Variants in RAMP3 observed in about 807,000 individuals in gnomAD.
The protein encoded by RAMP3 is receptor activity-modifying protein 3.
Under a neutral mutation model 13.5 loss-of-function variants are expected in RAMP3, and 14 were observed. The observed-to-expected ratio is 1.04, with a 90% CI of 0.69 to 1.63. The LOEUF is 1.63. Among genes scored for constraint, RAMP3 ranks in the 40% most tolerant of loss-of-function variants. The pLI is 0.00. For missense variants in RAMP3, 200 were observed against 204.8 expected, an observed-to-expected ratio of 0.98 and a Z score of 0.14; for synonymous variants, 106 against 88.3, an observed-to-expected ratio of 1.20 and a Z score of -1.12.
chr7:45,166,958 C>T (rs368242614), intron 1 of RAMP3, among the ~76,000 whole-genome samples: 38 of 101,196 alleles, frequency 3.8e-4, no homozygotes, highest in African/African-American at 6.3e-4. Flanking sequence ...GTCTTTGATG[C>T]TTTTTTTTTT....
Position 45,183,570 on chromosome 7 carries a change from G to C in RAMP3, c.*158G>C. On this transcript the variant is annotated 3_prime_UTR_variant, in exon 3 of 3. Coordinates refer to ENST00000242249, the MANE Select transcript of RAMP3 (RefSeq NM_005856.3). Reference sequence around the variant, plus strand: ...CCTTCCTGGGCTGACCTGCTCCCTCGAGGCCAGCCTGCTCCCTGGCTGAGG... The same window carrying C: ...CCTTCCTGGGCTGACCTGCTCCCTCCAGGCCAGCCTGCTCCCTGGCTGAGG... 1.9e-6 allele frequency: 2 copies of C among 1,056,638 alleles called. No homozygotes were observed. The highest frequency in any genetic ancestry group is 2.7e-6 in the Non-Finnish European group (2 of 731,190). 65.5% of individuals were successfully genotyped at this position (1,056,638 alleles called of 1,614,324 possible). A position where few individuals can be genotyped will look rare whatever the true frequency, so the allele number is the denominator to read the frequency against.
chr7:45,175,911 C>T (rs1442203805), intron 1 of RAMP3, among the ~76,000 whole-genome samples: 2 of 152,126 alleles, frequency 1.3e-5, no homozygotes, highest in East Asian at 3.8e-4. Context: ...GGAGCAGGTC[C>T]CTGCACCAGA....
intron 1 of RAMP3, among the ~76,000 whole-genome samples, chr7:45,158,993 T>A (rs1785815107): frequency 1.3e-5 from 2 of 152,174 alleles, no homozygotes; most frequent in Non-Finnish European, 2.9e-5. Context: ...TAGGTGGAGA[T>A]CTTGGTCGCT....
intron 2 of RAMP3, among the ~76,000 whole-genome samples, chr7:45,181,107 A>C (rs1390204019): frequency 6.6e-6 from 1 of 152,180 alleles, no homozygotes; most frequent in Non-Finnish European, 1.5e-5. Flanking sequence ...GGTTCTCTCA[A>C]CCACCTGATA....
rs1485767085 is a variant in RAMP3 at position 45,177,397 on chromosome 7, C to T, written c.147C>T (p.Gly49=). 6.2e-7 allele frequency: 1 copy of T among 1,614,140 alleles called. No individual in the cohort carries two copies. ...LCGKAFADMM[G]KVDVWKWCNL... is the part of the protein sequence containing the mutation. ...GGAAGGCTTTCGCAGACATGATGGGCAAGGTGGACGTCTGGAAGTGGTGCA... is the reference window on the plus strand; with the variant it reads ...GGAAGGCTTTCGCAGACATGATGGGTAAGGTGGACGTCTGGAAGTGGTGCA... The change falls in exon 2 of 3, where the codon GGC becomes GGT. Residue 49 remains glycine, a synonymous_variant. Coordinates refer to ENST00000242249, the MANE Select transcript of RAMP3 (RefSeq NM_005856.3).
chr7:45,166,958 CTTTT>C (rs202162694), intron 1 of RAMP3, among the ~76,000 whole-genome samples: 1 of 101,262 alleles, frequency 9.9e-6, no homozygotes, highest in African/African-American at 4.5e-5. Context: ...GTCTTTGATG[CTTTT>C]TTTTTTTTTT....
intron 1 of RAMP3, among the ~76,000 whole-genome samples, chr7:45,161,382 A>G (rs1351994106): frequency 6.6e-6 from 1 of 152,114 alleles, no homozygotes; most frequent in African/African-American, 2.4e-5. Flanking sequence ...AGGGAGAATA[A>G]TAGTTGCCTG....
rs112763264 is a variant in RAMP3, at chr7:45,183,446, C to A, written c.*34C>A. On this transcript the variant is annotated 3_prime_UTR_variant, in exon 3 of 3. Coordinates refer to ENST00000242249, the MANE Select transcript of RAMP3 (RefSeq NM_005856.3). ...GTGAGATGGAGTGGGTCACACCTGG[C>A]AAGCTGGAAGAAAGTTCCCTGGGGA... 3.0e-4 allele frequency: 476 copies of A among 1,601,822 alleles called. 1 individual carries two copies. In the African/African-American group the frequency reaches 5.7e-3, roughly 19 times the overall value.
At chr7:45,159,977 T>A (rs1562950927) in intron 1 of RAMP3, among the ~76,000 whole-genome samples, 1 of 152,220 alleles carries the variant, frequency 6.6e-6, no homozygotes, top group Non-Finnish European at 1.5e-5. Context: ...ATATTGATTC[T>A]ACTGAATCAA....
At chr7:45,179,699 A>G (rs769254082) in intron 2 of RAMP3, among the ~76,000 whole-genome samples, 2 of 152,178 alleles carry the variant, frequency 1.3e-5, no homozygotes, top group African/African-American at 2.4e-5. Context: ...GATAGTAGGA[A>G]TTCTAGAAAG....
intron 1 of RAMP3, among the ~76,000 whole-genome samples, chr7:45,158,538 C>G (rs1021957765): frequency 6.6e-6 from 1 of 152,150 alleles, no homozygotes; most frequent in African/African-American, 2.4e-5. Flanking sequence ...TTTGAAGTAC[C>G]TTGCTAAAGA....
At chr7:45,159,705 T>C (rs571323563) in intron 1 of RAMP3, among the ~76,000 whole-genome samples, 61 of 152,354 alleles carry the variant, frequency 4.0e-4, no homozygotes, top group Non-Finnish European at 6.2e-4. Flanking sequence ...AAAGGGCTGC[T>C]GAGACCGTCA....
In RAMP3 at chr7:45,183,538, A is replaced by C. The variant is rs1584081274; in HGVS notation, c.*126A>C. ...CCACACCCCACCTGGTCATGGGCAGACCCCTCCCTTCCTGGGCTGACCTGC... is the reference window on the plus strand; with the variant it reads ...CCACACCCCACCTGGTCATGGGCAGCCCCCTCCCTTCCTGGGCTGACCTGC... On this transcript the variant is annotated 3_prime_UTR_variant, in exon 3 of 3. Transcript: ENST00000242249. 7.2e-7 allele frequency: 1 copy of C among 1,394,098 alleles called. No individual in the cohort carries two copies. The highest frequency in any genetic ancestry group is 9.8e-7 in the Non-Finnish European group (1 of 1,017,338). 86.4% of individuals were successfully genotyped at this position (1,394,098 alleles called of 1,614,324 possible).
At chr7:45,175,704 G>T (rs984929500) in intron 1 of RAMP3, among the ~76,000 whole-genome samples, 3 of 152,264 alleles carry the variant, frequency 2.0e-5, no homozygotes, top group South Asian at 4.2e-4. Context: ...TCTGCTGCAG[G>T]TGGGGGTGGG....
rs770078819 is a variant in RAMP3, at chr7:45,183,343, C to T, written c.378C>T (p.Pro126=). The change falls in exon 3 of 3, where the codon CCC becomes CCT. Residue 126 remains proline, a synonymous_variant. Coordinates refer to ENST00000242249, the MANE Select transcript of RAMP3 (RefSeq NM_005856.3). ...TTCTCATCCCGCTGATCGTTATACCCGTCGTTCTGACTGTCGCCATGGCTG... is the reference window on the plus strand; with the variant it reads ...TTCTCATCCCGCTGATCGTTATACCTGTCGTTCTGACTGTCGCCATGGCTG... ...DEVLIPLIVI[P]VVLTVAMAGL... is the part of the protein sequence containing the mutation. The T allele has an allele frequency of 1.2e-5, 19 of 1,613,898 alleles. No homozygotes were observed. The highest frequency in any genetic ancestry group is 6.7e-5 in the African/African-American group (5 of 74,950).
At chr7:45,163,909 A>T in intron 1 of RAMP3, 2 of 983,848 alleles carry the variant, frequency 2.0e-6, no homozygotes, top group Non-Finnish European at 2.4e-6. Context: ...GTCCTGGCTG[A>T]TGCTTGCCCA....
rs186956563 is a variant in RAMP3, at chr7:45,169,945, G to A, written c.59-7364G>A. ...TTCATTCCATAACAATGCCTTATTA[G>A]GAATTTGTCCATTTCATTGACATTA... On this transcript the variant is annotated intron_variant, in intron 1 of 2. Transcript: ENST00000242249. Among the ~76,000 whole-genome samples, 529 of 152,226 alleles carry A rather than the reference G, an allele frequency of 3.5e-3. 3 individuals carry two copies. Among genetic ancestry groups the A allele is most frequent in the African/African-American group, 0.012 (506 of 41,522 alleles).
At chr7:45,181,630 G>C (rs1786317058) in intron 2 of RAMP3, among the ~76,000 whole-genome samples, 1 of 152,168 alleles carries the variant, frequency 6.6e-6, no homozygotes, top group Admixed American at 6.5e-5. Flanking sequence ...TTGTTAGACG[G>C]CTCCCCAGCT....
At chr7:45,158,921 C>A (rs2128654437) in intron 1 of RAMP3, among the ~76,000 whole-genome samples, 1 of 152,306 alleles carries the variant, frequency 6.6e-6, no homozygotes, top group South Asian at 2.1e-4. Flanking sequence ...AGGTGGATGG[C>A]AGCTTCTGAA....
Sources: gnomAD v4.1 joint callset for allele counts (sites outside exome capture counted in the v4.1 genomes callset) on GRCh38, gnomAD v4.1.1 for gene constraint, MANE v1.5 for transcripts, NCBI Gene and HGNC (gene_info 2026-07-23, HGNC 2026-07-21) for gene names.